The following IKZF1 variants were observed in gnomAD, a reference collection of about 807,000 sequenced individuals.
The protein encoded by IKZF1 is DNA-binding protein Ikaros.
A neutral mutation model predicts 51.7 loss-of-function variants in IKZF1; 10 were observed. The ratio of observed to expected loss-of-function variants is 0.19; its 90% CI spans 0.12 to 0.33. IKZF1 has a LOEUF of 0.33. IKZF1 is among the 10% of genes least tolerant of loss of function. The pLI is 1.00. For synonymous variants in IKZF1, 280 were observed against 282.3 expected, an observed-to-expected ratio of 0.99 and a Z score of 0.08; for missense variants, 484 against 707.5, an observed-to-expected ratio of 0.68 and a Z score of 3.58.
chr7:50,348,769 T>C lies in IKZF1; in HGVS notation c.160+21012T>C, dbSNP rs1038961152. Among the ~76,000 whole-genome samples the C allele has an allele frequency of 2.6e-5, 4 of 152,228 alleles. No individual in the cohort carries two copies. In the South Asian group the frequency reaches 6.2e-4, roughly 24 times the overall value. On this transcript the variant is annotated intron_variant, in intron 3 of 7. Coordinates refer to ENST00000331340, the MANE Select transcript of IKZF1 (RefSeq NM_006060.6). ...ACAAGCGATTTGTTATTTTGCACAG[T>C]GATGTACCCACTCATTGAATAAAAT...
intron 3 of IKZF1, among the ~76,000 whole-genome samples, chr7:50,360,651 C>T (rs574050211): frequency 6.6e-6 from 1 of 152,360 alleles, no homozygotes; most frequent in Non-Finnish European, 1.5e-5. Context: ...TGTGCAGTTA[C>T]ATCAGCTAGA....
At chr7:50,361,003 C>T (rs571934573) in intron 3 of IKZF1, among the ~76,000 whole-genome samples, 1 of 152,304 alleles carries the variant, frequency 6.6e-6, no homozygotes, top group South Asian at 2.1e-4. Context: ...CACAAATCTC[C>T]CTTATTAGAA....
chr7:50,325,893 C>T (rs1375914618), intron 2 of IKZF1, among the ~76,000 whole-genome samples: 1 of 152,080 alleles, frequency 6.6e-6, no homozygotes, highest in African/African-American at 2.4e-5. Context: ...TTTTGTTTTT[C>T]CTTGGGAAAT....
intron 7 of IKZF1, among the ~76,000 whole-genome samples, chr7:50,396,092 A>C (rs527327569): frequency 6.6e-6 from 1 of 152,214 alleles, no homozygotes; most frequent in East Asian, 1.9e-4. Context: ...TTTTGTCTAG[A>C]GAGTCCCTTT....
chr7:50,308,602 T>C (rs1789379339), intron 1 of IKZF1: 1 of 152,126 alleles, frequency 6.6e-6, no homozygotes, highest in African/African-American at 2.4e-5. Flanking sequence ...CTGAACTCGT[T>C]TTGGTTAGGA....
At chr7:50,361,250 G>C (rs1408009036) in intron 3 of IKZF1, among the ~76,000 whole-genome samples, 1 of 151,988 alleles carries the variant, frequency 6.6e-6, no homozygotes, top group African/African-American at 2.4e-5. Context: ...TTTCTTCTTT[G>C]CATATGATTC....
At position 50,350,767 on chromosome 7, in the gene IKZF1, A is replaced by G. The variant is rs138230007; in HGVS notation, c.160+23010A>G. Among the ~76,000 whole-genome samples, 8 of 151,976 alleles carry G rather than the reference A, an allele frequency of 5.3e-5. No homozygotes were observed. In the East Asian group the frequency reaches 1.2e-3, roughly 22 times the overall value. ...TTACTCATAAATGTAGATCTTTGGT[A>G]TGATTTGTACAACTGCCGGGTGTCA... is the stretch of plus-strand genomic sequence containing the variant. On this transcript the variant is annotated intron_variant, in intron 3 of 7. Coordinates refer to ENST00000331340, the MANE Select transcript of IKZF1 (RefSeq NM_006060.6).
intron 5 of IKZF1, among the ~76,000 whole-genome samples, chr7:50,384,870 C>T (rs1812914686): frequency 6.6e-6 from 1 of 152,230 alleles, no homozygotes. Flanking sequence ...AGGTTGACAC[C>T]AACCATAGGT....
intron 4 of IKZF1, among the ~76,000 whole-genome samples, chr7:50,378,812 T>TA (rs999341290): frequency 5.3e-5 from 8 of 152,252 alleles, no homozygotes; most frequent in Admixed American, 3.3e-4. Context: ...TGCCCTTTGT[T>TA]AAAAAAATAC....
intron 3 of IKZF1, chr7:50,368,193 C>T: frequency 1.4e-6 from 1 of 703,234 alleles, no homozygotes; most frequent in South Asian, 1.5e-5. Context: ...ATTCGTTAGA[C>T]ACCTACCATA....
chr7:50,340,039 AG>A (rs1798709559), intron 3 of IKZF1, among the ~76,000 whole-genome samples: 1 of 152,228 alleles, frequency 6.6e-6, no homozygotes, highest in African/African-American at 2.4e-5. Context: ...GTGCAGGTCC[AG>A]GAAGTGGCCT....
Position 50,402,678 on chromosome 7 carries a change from C to A in IKZF1, c.*2051C>A, listed in dbSNP as rs1585048138. On this transcript the variant is annotated 3_prime_UTR_variant, in exon 8 of 8. Coordinates refer to ENST00000331340, the MANE Select transcript of IKZF1 (RefSeq NM_006060.6). ...TATAAATCAATTATTCCCCTTCGGT[C>A]TTAAAAATATATTTCCTCATAAACA... The A allele has an allele frequency of 1.8e-5, 4 of 219,612 alleles. No individual in the cohort carries two copies. In the East Asian group the frequency reaches 2.5e-4, roughly 14 times the overall value. The allele number at this position is 219,612 out of a possible 1,614,324, so 13.6% of individuals were successfully genotyped here. A position where few individuals can be genotyped will look rare whatever the true frequency, so the allele number is the denominator to read the frequency against.
intron 7 of IKZF1, among the ~76,000 whole-genome samples, chr7:50,397,999 C>T (rs1308566830): frequency 6.6e-6 from 1 of 152,168 alleles, no homozygotes; most frequent in East Asian, 1.9e-4. Flanking sequence ...TATAATGGGG[C>T]ATATATTCCT....
At chr7:50,375,313 A>G (rs1809908165) in intron 3 of IKZF1, among the ~76,000 whole-genome samples, 1 of 152,150 alleles carries the variant, frequency 6.6e-6, no homozygotes, top group Admixed American at 6.5e-5. Context: ...AGTCACAACT[A>G]CTGGGGAGGC....
intron 1 of IKZF1, among the ~76,000 whole-genome samples, chr7:50,315,370 T>C (rs1290232900): frequency 6.6e-6 from 1 of 151,920 alleles, no homozygotes; most frequent in East Asian, 1.9e-4. Context: ...CAGTCCAGAG[T>C]TGGAGTGGAG....
chr7:50,388,027 C>T lies in IKZF1; in HGVS notation c.715+557C>T, dbSNP rs75983504. Among the ~76,000 whole-genome samples, 350 of 152,128 alleles carry T rather than the reference C, an allele frequency of 2.3e-3. 2 individuals are homozygous for T. Among genetic ancestry groups the T allele is most frequent in the African/African-American group, 8.1e-3 (337 of 41,484 alleles). On this transcript the variant is annotated intron_variant, in intron 6 of 7. Coordinates refer to ENST00000331340, the MANE Select transcript of IKZF1 (RefSeq NM_006060.6). ...GTTGTTGAAGGATGAGAGGAAAGGT[C>T]GCTTCTTTCTTAGGAGCTGTGATGC... is the stretch of plus-strand genomic sequence containing the variant.
At chr7:50,305,622 C>T (rs1788602035) in intron 1 of IKZF1, among the ~76,000 whole-genome samples, 1 of 152,182 alleles carries the variant, frequency 6.6e-6, no homozygotes, top group Non-Finnish European at 1.5e-5. Context: ...GCTTCCCTCT[C>T]TCTAGGGACT....
intron 3 of IKZF1, chr7:50,369,782 T>G: frequency 2.6e-6 from 1 of 389,300 alleles, no homozygotes. Flanking sequence ...TTTATTCTCT[T>G]TATCTGTTTA....
intron 3 of IKZF1, among the ~76,000 whole-genome samples, chr7:50,346,826 A>G (rs1800496305): frequency 1.3e-5 from 2 of 152,174 alleles, no homozygotes; most frequent in South Asian, 2.1e-4. Context: ...CTCATTTTCC[A>G]TGCTTCCCAA....
Sources: gnomAD v4.1 joint callset for allele counts (sites outside exome capture counted in the v4.1 genomes callset) on GRCh38, gnomAD v4.1.1 for gene constraint, MANE v1.5 for transcripts, NCBI Gene and HGNC (gene_info 2026-07-23, HGNC 2026-07-21) for gene names.